The following DET1 variants were observed in gnomAD, a reference collection of about 807,000 sequenced individuals.
DET1 encodes DET1 homolog.
Under a neutral mutation model 43.7 loss-of-function variants are expected in DET1, and 22 were observed. The ratio of observed to expected loss-of-function variants is 0.50; its 90% CI spans 0.36 to 0.72. DET1 has a LOEUF of 0.72. DET1 is among the 30% of genes least tolerant of loss of function. The pLI is 0.00. For synonymous variants in DET1, 315 were observed against 266.2 expected, an observed-to-expected ratio of 1.18 and a Z score of -1.79; for missense variants, 713 against 713.3, an observed-to-expected ratio of 1.00 and a Z score of 0.00.
chr15:88,512,145 C>G (rs536319393), downstream of DET1, among the ~76,000 whole-genome samples: 1 of 152,178 alleles, frequency 6.6e-6, no homozygotes, highest in Admixed American at 6.5e-5. Context: ...AATTACAGTA[C>G]GTGCTACACA....
At chr15:88,536,164 T>C (rs1034033346) in intron 1 of DET1, 1 of 608,146 alleles carries the variant, frequency 1.6e-6, no homozygotes. Context: ...TGCTGAAAGA[T>C]CTGCCTCTGT....
chr15:88,525,827 A>ATTTTTTTTTTTT (rs10658727), intron 3 of DET1, among the ~76,000 whole-genome samples: 3 of 90,696 alleles, frequency 3.3e-5, no homozygotes, highest in Non-Finnish European at 4.3e-5. Flanking sequence ...ACACTCGGCT[A>ATTTTTTTTTTTT]TTTTTTTTTT....
intron 1 of DET1, among the ~76,000 whole-genome samples, chr15:88,542,808 AAG>A: frequency 6.6e-6 from 1 of 152,072 alleles, no homozygotes; most frequent in East Asian, 1.9e-4. Flanking sequence ...AGAAAAGTAA[AAG>A]AGGTGAACAG....
downstream of DET1, chr15:88,511,679 T>G (rs2056203033): frequency 1.1e-6 from 1 of 907,890 alleles, no homozygotes. Flanking sequence ...TAGTTTCCAC[T>G]TGACTCATAG....
chr15:88,514,778 AT>A (rs919300335), intron 4 of DET1, among the ~76,000 whole-genome samples: 18 of 152,366 alleles, frequency 1.2e-4, no homozygotes, highest in Non-Finnish European at 2.4e-4. Flanking sequence ...CAGGAATGGC[AT>A]TCTCTCTTCA....
At chr15:88,534,621 T>G (rs1265128325) in intron 1 of DET1, among the ~76,000 whole-genome samples, 9 of 152,164 alleles carry the variant, frequency 5.9e-5, no homozygotes, top group African/African-American at 2.2e-4. Context: ...CACGTGTGGA[T>G]CTGGTCCAAA....
chr15:88,534,847 C>T (rs918769755), intron 1 of DET1, among the ~76,000 whole-genome samples: 1 of 152,192 alleles, frequency 6.6e-6, no homozygotes, highest in African/African-American at 2.4e-5. Flanking sequence ...CCAACATCCT[C>T]TTAGGATTTA....
Position 88,521,928 on chromosome 15 carries a change from A to T in DET1, c.1272-4955T>A, listed in dbSNP as rs12593276. On this transcript the variant is annotated intron_variant, in intron 3 of 4. Transcript: ENST00000268148. Reference sequence around the variant, plus strand: ...GATGAATCCAGTGGTGCGCTGATAAAGGTTTAATTTTTCTTGGGGGAAAAA... The same window carrying T: ...GATGAATCCAGTGGTGCGCTGATAATGGTTTAATTTTTCTTGGGGGAAAAA... Among the ~76,000 whole-genome samples, 9 of 150,188 alleles carry T rather than the reference A, an allele frequency of 6.0e-5. No homozygotes were observed. In the East Asian group the frequency reaches 1.6e-3, roughly 26 times the overall value.
intron 3 of DET1, among the ~76,000 whole-genome samples, chr15:88,522,055 A>G (rs1284720576): frequency 7.9e-5 from 12 of 152,190 alleles, no homozygotes; most frequent in East Asian, 1.9e-4. Flanking sequence ...GAAGAGCTGT[A>G]GCACCTTATT....
intron 1 of DET1, chr15:88,536,420 A>C: frequency 1.4e-6 from 1 of 703,582 alleles, no homozygotes; most frequent in Non-Finnish European, 2.6e-6. Flanking sequence ...AAATATGTTA[A>C]AATAATTAAT....
In DET1 at chr15:88,529,654, A is replaced by G. The variant is rs528167309; in HGVS notation, c.1083+969T>C. On this transcript the variant is annotated intron_variant, in intron 2 of 4. Coordinates refer to ENST00000268148, the MANE Select transcript of DET1 (RefSeq NM_001144074.3). ...TAATGGTAGAATCAGCTACAGGTCA[A>G]TAAGAGATACCAAACTCAGTTGACT... 1.6e-4 allele frequency among the ~76,000 whole-genome samples: 25 copies of G among 152,350 alleles called. No homozygotes were observed. The South Asian group carries it at 2.3e-3, about 14-fold the overall frequency.
rs377313288 is a variant in DET1, at chr15:88,529,371, G to C, written c.1083+1252C>G. Among the ~76,000 whole-genome samples, 107 of 152,234 alleles carry C rather than the reference G, an allele frequency of 7.0e-4. No individual in the cohort carries two copies. The South Asian group carries it at 0.02, about 29-fold the overall frequency. ...GCAGACTGGGAAATAAAGAACAGGA[G>C]AGTAGAGAAGTCAAGGACTTGACTG... On this transcript the variant is annotated intron_variant, in intron 2 of 4. Coordinates refer to ENST00000268148, the MANE Select transcript of DET1 (RefSeq NM_001144074.3).
rs2056387755 is a variant in DET1, at chr15:88,517,849, T to C, written c.1272-876A>G. On this transcript the variant is annotated intron_variant, in intron 3 of 4. Transcript: ENST00000268148. ...GAGACACCAGTATCTAGAAGAATAGTAACATACATAGAGTCATATATCTGA... is the reference window on the plus strand; with the variant it reads ...GAGACACCAGTATCTAGAAGAATAGCAACATACATAGAGTCATATATCTGA... 4.6e-5 allele frequency among the ~76,000 whole-genome samples: 7 copies of C among 152,348 alleles called. No individual in the cohort carries two copies. The South Asian group carries it at 1.5e-3, about 32-fold the overall frequency.
chr15:88,522,813 C>T (rs1439949947), intron 3 of DET1, among the ~76,000 whole-genome samples: 2 of 151,220 alleles, frequency 1.3e-5, no homozygotes, highest in Non-Finnish European at 2.9e-5. Flanking sequence ...CCACCGCGCA[C>T]CCGGCTGGAA....
chr15:88,529,118 G>A (rs375831849), intron 2 of DET1, among the ~76,000 whole-genome samples: 1 of 152,206 alleles, frequency 6.6e-6, no homozygotes, highest in African/African-American at 2.4e-5. Context: ...GAAAAAACTA[G>A]GCCACCTTTT....
chr15:88,510,822 G>C (rs907017183), downstream of DET1, among the ~76,000 whole-genome samples: 1 of 149,548 alleles, frequency 6.7e-6, no homozygotes, highest in East Asian at 2.0e-4. Flanking sequence ...GCTGGCTGGA[G>C]TGCAGTGGCG....
In DET1 at chr15:88,504,477, T is replaced by C. The variant is rs2056118881; in HGVS notation, c.*2066-490A>G. On this transcript the variant is annotated intron_variant and NMD_transcript_variant, in intron 7 of 8. Transcript: ENST00000557842. This position sits in a 1 kb window ranked among gnomAD's most constrained non-coding sequence, Gnocchi z 4.7. ...ATTAAACCATGACAATGCTTATTGCTTGGAATCATTTTTATATTATATTAA... is the reference window on the plus strand; with the variant it reads ...ATTAAACCATGACAATGCTTATTGCCTGGAATCATTTTTATATTATATTAA... 1 of 152,208 alleles carries C rather than the reference T, an allele frequency of 6.6e-6. No individual in the cohort carries two copies. The highest frequency in any genetic ancestry group is 2.1e-4 in the South Asian group (1 of 4,834). The allele number at this position is 152,208 out of a possible 1,614,324, so 9.4% of individuals were successfully genotyped here.
rs544337141 is a variant in DET1, at chr15:88,524,407, C to T, written c.1271+3192G>A. Among the ~76,000 whole-genome samples the T allele has an allele frequency of 4.6e-5, 7 of 152,260 alleles. No homozygotes were observed. The South Asian group carries it at 8.3e-4, about 18-fold the overall frequency. On this transcript the variant is annotated intron_variant, in intron 3 of 4. Transcript: ENST00000268148. ...GGGGGGCGCCTCTGCCCGGCTGCCC[C>T]GTCTGGGAAGTGAGGAGCCCCTCTG...
chr15:88,527,471 G>T, intron 3 of DET1, 128 bp downstream of exon 3: 1 of 789,208 alleles, frequency 1.3e-6, no homozygotes, highest in African/African-American at 1.8e-5. Flanking sequence ...GAAACAAGGG[G>T]TTATAATAAG....
Sources: allele counts gnomAD v4.1 joint callset (sites outside exome capture counted in the v4.1 genomes callset), GRCh38; gene constraint gnomAD v4.1.1; non-coding constraint Gnocchi (gnomAD v3.1); transcripts MANE v1.5; gene names NCBI Gene and HGNC (gene_info 2026-07-23, HGNC 2026-07-21).